Variants in NOD2 observed in about 807,000 individuals in gnomAD.
NOD2 encodes nucleotide-binding oligomerization domain-containing protein 2.
A neutral mutation model predicts 90.9 loss-of-function variants in NOD2; 86 were observed. That is an observed-to-expected ratio of 0.95 (90% CI 0.79 to 1.13). The LOEUF is 1.13. Among genes scored for constraint, NOD2 ranks in the 50% most tolerant of loss-of-function variants. NOD2 has a pLI of 0.00. For missense variants in NOD2, 1,238 were observed against 1,283.8 expected (o/e 0.96, Z 0.55); for synonymous variants, 581 against 554.6 (o/e 1.05, Z -0.67).
Position 50,716,654 on chromosome 16 carries a change from C to T in NOD2, c.2449C>T (p.Gln817Ter). The T allele has an allele frequency of 6.2e-7, 1 of 1,614,144 alleles. No individual in the cohort carries two copies. The highest frequency in any genetic ancestry group is 8.5e-7 in the Non-Finnish European group (1 of 1,179,994). Residue 817 changes from glutamine to a stop codon, truncating the protein, a stop_gained, in exon 5 of 12, where the codon CAA (glutamine) becomes TAA (stop). Transcript: ENST00000647318. LOFTEE classifies it high-confidence loss of function. Reference protein sequence around the residue: ...KLIECALHCEQLQKLALFNNK... With the variant: ...KLIECALHCE ...CATTGAATGTGCTCTTCACTGCGAGCAATTGCAGAAGTTAGCGTAAGTCAG... is the reference window on the plus strand; with the variant it reads ...CATTGAATGTGCTCTTCACTGCGAGTAATTGCAGAAGTTAGCGTAAGTCAG...
At chr16:50,723,557 G>C (rs1965162570) in intron 9 of NOD2, among the ~76,000 whole-genome samples, 173 bp downstream of exon 9, 1 of 152,186 alleles carries the variant, frequency 6.6e-6, no homozygotes, top group Non-Finnish European at 1.5e-5. Context: ...AGCTTATAGA[G>C]CCTGGTATGT....
chr16:50,729,172 A>G (rs1473690690), intron 10 of NOD2: 1 of 156,242 alleles, frequency 6.4e-6, no homozygotes, highest in Non-Finnish European at 1.4e-5. Context: ...ACAGGATGGG[A>G]TTCAATTACC....
At position 50,710,608 on chromosome 16, in the gene NOD2, C is replaced by T. The variant is rs781333877; in HGVS notation, c.616C>T (p.Gln206Ter). ...MAKLRTTVSA[Q>*]SRFLSTYDGA... ...CAAGCTGAGGACCACGGTGTCTGCT[C>T]AGTCTCGCTTCCTCAGTACCTATGA... The change falls in exon 4 of 12, where the codon CAG (glutamine) becomes TAG (stop). Residue 206 changes from glutamine to a stop codon, truncating the protein, a stop_gained. Coordinates refer to ENST00000647318, the MANE Select transcript of NOD2 (RefSeq NM_001370466.1). LOFTEE classifies it high-confidence loss of function. 53 of 1,614,098 alleles carry T rather than the reference C, an allele frequency of 3.3e-5. No individual in the cohort carries two copies. The highest frequency in any genetic ancestry group is 3.3e-4 in the Middle Eastern group (2 of 6,084).
chr16:50,709,272 G>GT (rs1964349856), intron 3 of NOD2, among the ~76,000 whole-genome samples: 1 of 152,182 alleles, frequency 6.6e-6, no homozygotes, highest in African/African-American at 2.4e-5. Context: ...CGTCCCCTTT[G>GT]TGTGACTGCA....
chr16:50,722,592 ACTGT>A, intron 7 of NOD2, 26 bp from the exon 8 acceptor site: 1 of 1,602,064 alleles, frequency 6.2e-7, no homozygotes. Context: ...ACTCACTGAC[ACTGT>A]CTGTTGACTC....
Position 50,701,544 on chromosome 16 carries a change from G to A in NOD2, c.459+1590G>A, listed in dbSNP as rs41449646. 6.6e-3 allele frequency among the ~76,000 whole-genome samples: 1,006 copies of A among 152,298 alleles called. 6 individuals are homozygous for A. The highest frequency in any genetic ancestry group is 0.022 in the African/African-American group (916 of 41,550). Reference sequence around the variant, plus strand: ...AGTTGCACGTACAGAAGACATATTCGTTATTGGACTGACCTTAGTTTCTCT... The same window carrying A: ...AGTTGCACGTACAGAAGACATATTCATTATTGGACTGACCTTAGTTTCTCT... On this transcript the variant is annotated intron_variant, in intron 2 of 11. Coordinates refer to ENST00000647318, the MANE Select transcript of NOD2 (RefSeq NM_001370466.1).
At chr16:50,727,502 G>T in intron 10 of NOD2, 3 of 236,438 alleles carry the variant, frequency 1.3e-5, no homozygotes, top group Non-Finnish European at 1.7e-5. Context: ...GTTTATTCCT[G>T]TAGCATAAAA....
chr16:50,697,242 T>C, intron 1 of NOD2: 1 of 1,555,658 alleles, frequency 6.4e-7, no homozygotes, highest in Non-Finnish European at 8.7e-7. Context: ...TAATGGGCTT[T>C]GATGGGGGAA....
intron 4 of NOD2, among the ~76,000 whole-genome samples, chr16:50,714,088 G>C (rs2150818663): frequency 6.6e-6 from 1 of 152,292 alleles, no homozygotes; most frequent in African/African-American, 2.4e-5. Context: ...ATTTTCCTGG[G>C]TAGTAGACTC....
chr16:50,703,708 G>A (rs117241679), intron 2 of NOD2, among the ~76,000 whole-genome samples: 1,832 of 150,488 alleles, frequency 0.012, 24 homozygotes, highest in Non-Finnish European at 0.017. Context: ...AAAAAAGAAA[G>A]GTTACTATTG....
At chr16:50,722,293 A>C (rs765497330) in intron 7 of NOD2, among the ~76,000 whole-genome samples, 2 of 152,240 alleles carry the variant, frequency 1.3e-5, no homozygotes, top group African/African-American at 4.8e-5. Flanking sequence ...GCGTATCTGA[A>C]CTAAGTGTCA....
chr16:50,706,572 C>T lies in NOD2; in HGVS notation c.460-1283C>T, dbSNP rs371516582. 6.4e-4 allele frequency among the ~76,000 whole-genome samples: 97 copies of T among 152,206 alleles called. 1 individual carries two copies. Among genetic ancestry groups the T allele is most frequent in the African/African-American group, 1.8e-3 (76 of 41,524 alleles). ...CTATGTCTGGTATGTAGATATTGGC[C>T]ACAGATGGCATTTGAGCACTAGAGA... On this transcript the variant is annotated intron_variant, in intron 2 of 11. Transcript: ENST00000647318.
At position 50,711,586 on chromosome 16, in the gene NOD2, G is replaced by A. The variant is rs369310865; in HGVS notation, c.1594G>A (p.Gly532Ser). 6 of 1,611,538 alleles carry A rather than the reference G, an allele frequency of 3.7e-6. No individual in the cohort carries two copies. The highest frequency in any genetic ancestry group is 4.2e-6 in the Non-Finnish European group (5 of 1,179,990). Residue 532 changes from glycine to serine, a missense_variant, in exon 4 of 12, where the codon GGC (glycine) becomes AGC (serine). By Grantham distance (56) the Gly-to-Ser change is moderately conservative. Around this residue, in one of 3 missense-constraint regions of NOD2, gnomAD observed 667 missense variants for 688.7 expected, o/e 0.97. Coordinates refer to ENST00000647318, the MANE Select transcript of NOD2 (RefSeq NM_001370466.1). ...HLGRLALWGL[G>S]MCCYVFSAQQ... ...GGGCAGACTGGCTCTGTGGGGCCTGGGCATGTGCTGCTACGTGTTCTCAGC... is the reference window on the plus strand; with the variant it reads ...GGGCAGACTGGCTCTGTGGGGCCTGAGCATGTGCTGCTACGTGTTCTCAGC...
At position 50,732,090 on chromosome 16, in the gene NOD2, C is replaced by T. The variant is rs1204178912; in HGVS notation, c.*271C>T. ...AGGATGTACAAGGACAGCCCCTCCT[C>T]CATAGTATGGGACTGGCCTCTGCTG... On this transcript the variant is annotated 3_prime_UTR_variant, in exon 12 of 12. Transcript: ENST00000647318. The T allele has an allele frequency of 4.1e-6, 2 of 487,438 alleles. No homozygotes were observed. Among genetic ancestry groups the T allele is most frequent in the Non-Finnish European group, 7.6e-6 (2 of 263,774 alleles). The allele number at this position is 487,438 out of a possible 1,614,324, so 30.2% of individuals were successfully genotyped here.
chr16:50,721,386 G>GT (rs1965053588), intron 7 of NOD2, among the ~76,000 whole-genome samples: 1 of 147,918 alleles, frequency 6.8e-6, no homozygotes, highest in African/African-American at 2.5e-5. Context: ...TTGTTTGTTT[G>GT]TTTGTTTTGT....
At chr16:50,712,778 G>T in intron 4 of NOD2, 1 of 284,292 alleles carries the variant, frequency 3.5e-6, no homozygotes, top group Non-Finnish European at 6.8e-6. Flanking sequence ...CCAGTCTATG[G>T]ATACACTTCA....
At chr16:50,714,249 G>A (rs990461409) in intron 4 of NOD2, among the ~76,000 whole-genome samples, 5 of 152,242 alleles carry the variant, frequency 3.3e-5, no homozygotes, top group African/African-American at 1.2e-4. Flanking sequence ...AAACCTGTGG[G>A]TCTGTCTCTG....
chr16:50,716,778 A>G (rs1004342463), intron 5 of NOD2, 108 bp downstream of exon 5: 6 of 1,468,328 alleles, frequency 4.1e-6, no homozygotes, highest in Non-Finnish European at 5.7e-6. Flanking sequence ...GGCTGTTTGC[A>G]TGATGGGGGG....
chr16:50,699,402 C>A, intron 1 of NOD2, 86 bp from the exon 2 acceptor site: 1 of 1,119,696 alleles, frequency 8.9e-7, no homozygotes, highest in Non-Finnish European at 1.4e-6. Flanking sequence ...TCGGGTTCTG[C>A]TGGGGCTGAC....
Sources: allele counts gnomAD v4.1 joint callset (sites outside exome capture counted in the v4.1 genomes callset), GRCh38; gene constraint gnomAD v4.1.1; regional missense constraint gnomAD v4.1.1; transcripts MANE v1.5; gene names NCBI Gene and HGNC (gene_info 2026-07-23, HGNC 2026-07-21).